PRSS12: variants seen among roughly 807,000 people sequenced by gnomAD.
PRSS12 encodes serine protease 12.
A neutral mutation model predicts 104.4 loss-of-function variants in PRSS12; 85 were observed. That is an observed-to-expected ratio of 0.81 (90% CI 0.68 to 0.98). PRSS12 has a LOEUF of 0.98. Ranked by LOEUF, PRSS12 falls within the 50% of genes least tolerant of loss-of-function variation. The pLI, the probability that PRSS12 is intolerant of heterozygous loss-of-function variation, is 0.00. For missense variants in PRSS12, 1,141 were observed against 1,139.2 expected (o/e 1.00, Z -0.02); for synonymous variants, 454 against 425.2 (o/e 1.07, Z -0.83).
intron 8 of PRSS12, among the ~76,000 whole-genome samples, chr4:118,299,794 T>TAAAATAAATA (rs1466337106): frequency 2.3e-4 from 15 of 64,448 alleles, no homozygotes; most frequent in South Asian, 5.1e-4. Flanking sequence ...TAAAATAAAA[T>TAAAATAAATA]AAATAAAATA....
chr4:118,335,689 T>C (rs992795978), intron 2 of PRSS12, 38 bp from the exon 3 acceptor site: 3 of 1,584,264 alleles, frequency 1.9e-6, no homozygotes, highest in African/African-American at 1.3e-5. Flanking sequence ...TTATCAAATG[T>C]AGGCAAAACT....
chr4:118,338,651 G>T (rs558306977), intron 1 of PRSS12, among the ~76,000 whole-genome samples: 1 of 152,230 alleles, frequency 6.6e-6, no homozygotes, highest in East Asian at 1.9e-4. Flanking sequence ...GTGGAAGAAT[G>T]ACTAATATCA....
At position 118,295,167 on chromosome 4, in the gene PRSS12, G is replaced by A. The variant is rs957180305; in HGVS notation, c.1917-106C>T. On this transcript the variant is annotated intron_variant, in intron 10 of 12. Coordinates refer to ENST00000296498, the MANE Select transcript of PRSS12 (RefSeq NM_003619.4). Reference sequence around the variant, plus strand: ...AATAACTTTAATGCCTTGCAGGTGGGGGAAAAGGAAAGCAAAAGGGACTCC... The same window carrying A: ...AATAACTTTAATGCCTTGCAGGTGGAGGAAAAGGAAAGCAAAAGGGACTCC... 2.1e-6 allele frequency: 3 copies of A among 1,441,438 alleles called. No individual in the cohort carries two copies. The African/African-American group carries it at 4.2e-5, about 20-fold the overall frequency. The allele number at this position is 1,441,438 out of a possible 1,614,324, so 89.3% of individuals were successfully genotyped here.
intron 1 of PRSS12, among the ~76,000 whole-genome samples, chr4:118,344,093 C>T (rs940949168): frequency 6.6e-6 from 1 of 151,966 alleles, no homozygotes; most frequent in Non-Finnish European, 1.5e-5. Context: ...GTGTTCAGAT[C>T]CTTGACAAAA....
At chr4:118,348,525 G>C (rs975520976) in intron 1 of PRSS12, among the ~76,000 whole-genome samples, 1 of 152,170 alleles carries the variant, frequency 6.6e-6, no homozygotes, top group Non-Finnish European at 1.5e-5. Context: ...ATCCAGAACT[G>C]AGAATTACTC....
intron 7 of PRSS12, among the ~76,000 whole-genome samples, chr4:118,311,077 A>AATTAAT (rs1743710711): frequency 6.6e-6 from 1 of 152,042 alleles, no homozygotes; most frequent in African/African-American, 2.4e-5. Context: ...AATTAATTAA[A>AATTAAT]TTAAGCCTAA....
intron 1 of PRSS12, among the ~76,000 whole-genome samples, chr4:118,350,387 T>A (rs1250031479): frequency 6.6e-6 from 1 of 152,194 alleles, no homozygotes; most frequent in East Asian, 1.9e-4. Flanking sequence ...ATGCCACTCA[T>A]CTCAAAGCTA....
chr4:118,300,006 ATATT>A (rs1743367829), intron 8 of PRSS12, among the ~76,000 whole-genome samples: 1 of 149,236 alleles, frequency 6.7e-6, no homozygotes, highest in East Asian at 2.0e-4. Context: ...ACAATTTTTT[ATATT>A]TATTTACTTT....
intron 2 of PRSS12, among the ~76,000 whole-genome samples, chr4:118,336,841 C>G (rs1724075900): frequency 6.6e-6 from 1 of 152,108 alleles, no homozygotes; most frequent in African/African-American, 2.4e-5. Flanking sequence ...ATCTCTTGCC[C>G]CTCAAAGGAA....
intron 8 of PRSS12, among the ~76,000 whole-genome samples, chr4:118,301,321 A>G (rs1285754402): frequency 6.6e-6 from 1 of 152,222 alleles, no homozygotes; most frequent in Admixed American, 6.5e-5. Context: ...CACTTAAAGT[A>G]TAGCACAACC....
In PRSS12 at chr4:118,282,196, G is replaced by T. The variant is rs1339485932; in HGVS notation, c.2368C>A (p.Pro790Thr). Residue 790 changes from proline (P) to threonine (T), a missense_variant, in exon 13 of 13, where the codon CCT becomes ACT. Physicochemically the swap from Pro to Thr is conservative, Grantham distance 38. Coordinates refer to ENST00000296498, the MANE Select transcript of PRSS12 (RefSeq NM_003619.4). Reference protein sequence around the residue: ...TLQQAAIPLLPKRFCEERYKG... With the variant: ...TLQQAAIPLLTKRFCEERYKG... The stretch of plus-strand genomic sequence containing the variant: ...TAACGTTCTTCACAAAACCTTTTAG[G>T]AAGTAAGGGAATGGCTGCTTGTTGT... 6 of 1,614,054 alleles carry T rather than the reference G, an allele frequency of 3.7e-6. No homozygotes were observed. In the Admixed American group the frequency reaches 6.7e-5, roughly 18 times the overall value.
chr4:118,318,236 T>G, intron 5 of PRSS12, 142 bp downstream of exon 5: 1 of 819,284 alleles, frequency 1.2e-6, no homozygotes, highest in South Asian at 1.8e-5. Flanking sequence ...ATATACGGTT[T>G]GCATTCTTTT....
Position 118,281,782 on chromosome 4 carries a change from A to C in PRSS12, c.*154T>G, listed in dbSNP as rs1742862601. The C allele has an allele frequency of 1.5e-6, 1 of 660,620 alleles. No homozygotes were observed. Among genetic ancestry groups the C allele is most frequent in the East Asian group, 2.7e-5 (1 of 37,122 alleles). The allele number at this position is 660,620 out of a possible 1,614,324, so 40.9% of individuals were successfully genotyped here. On this transcript the variant is annotated 3_prime_UTR_variant, in exon 13 of 13. Transcript: ENST00000296498. ...ACTGAGGCCTCTGAAAATGTTCACA[A>C]ATTTCTCAAAAGCAGCAGGGGGTAC...
Position 118,352,477 on chromosome 4 carries a change from C to T in PRSS12, c.244G>A (p.Ala82Thr). Residue 82 changes from alanine to threonine, a missense_variant, in exon 1 of 13, where the codon GCC (alanine) becomes ACC (threonine). Ala to Thr is a moderately conservative substitution (Grantham distance 58). Transcript: ENST00000296498. ...LPAQRPHALQ[A>T]GHTPRPHPWG... ...GGGTGCGGCCGGGGCGTGTGCCCGG[C>T]CTGGAGGGCGTGCGGGCGCTGGGCA... The T allele has an allele frequency of 1.4e-6, 2 of 1,383,352 alleles. No individual in the cohort carries two copies. The highest frequency in any genetic ancestry group is 3.4e-5 in the South Asian group (2 of 58,564). The allele number at this position is 1,383,352 out of a possible 1,614,324, so 85.7% of individuals were successfully genotyped here.
intron 4 of PRSS12, among the ~76,000 whole-genome samples, chr4:118,328,543 G>GA (rs1723838572): frequency 6.6e-6 from 1 of 151,420 alleles, no homozygotes; most frequent in Non-Finnish European, 1.5e-5. Flanking sequence ...CTATTTAAGT[G>GA]AAAAAAATAT....
rs780765485 is a variant in PRSS12 at position 118,331,810 on chromosome 4, C to A, written c.877G>T (p.Val293Leu). Reference sequence around the variant, plus strand: ...CACTGGCCAGCATGGTAGAGCTCCACCCGGCCTTCATGCACACTGCTGCCT... The same window carrying A: ...CACTGGCCAGCATGGTAGAGCTCCAACCGGCCTTCATGCACACTGCTGCCT... ...AGGSSVHEGRVELYHAGQWGT... is the reference protein window; with the variant it reads ...AGGSSVHEGRLELYHAGQWGT... The change falls in exon 4 of 13, where the codon GTG becomes TTG. Residue 293 changes from valine to leucine, a missense_variant. Coordinates refer to ENST00000296498, the MANE Select transcript of PRSS12 (RefSeq NM_003619.4). 39 of 1,614,192 alleles carry A rather than the reference C, an allele frequency of 2.4e-5. No homozygotes were observed. The highest frequency in any genetic ancestry group is 3.3e-5 in the Non-Finnish European group (39 of 1,180,036).
chr4:118,282,738 A>G, intron 12 of PRSS12, 93 bp downstream of exon 12: 2 of 1,555,320 alleles, frequency 1.3e-6, no homozygotes, highest in Non-Finnish European at 1.8e-6. Context: ...ATAAGTCTGA[A>G]TCCATTTAAG....
intron 4 of PRSS12, among the ~76,000 whole-genome samples, chr4:118,329,829 G>T (rs1481480133): frequency 6.6e-6 from 1 of 152,070 alleles, no homozygotes; most frequent in Non-Finnish European, 1.5e-5. Flanking sequence ...CTCCAAAAAT[G>T]GGATTTAAAT....
At chr4:118,293,494 A>G (rs1008735935) in intron 11 of PRSS12, among the ~76,000 whole-genome samples, 1 of 152,178 alleles carries the variant, frequency 6.6e-6, no homozygotes, top group African/African-American at 2.4e-5. Flanking sequence ...AACAAGTAAA[A>G]GGACAAGGTC....
Sources: gnomAD v4.1 joint callset for allele counts (sites outside exome capture counted in the v4.1 genomes callset) on GRCh38, gnomAD v4.1.1 for gene constraint, MANE v1.5 for transcripts, NCBI Gene and HGNC (gene_info 2026-07-23, HGNC 2026-07-21) for gene names.